The following GLYR1 variants were observed in gnomAD, a reference collection of about 807,000 sequenced individuals.
GLYR1 encodes the protein glyoxylate reductase 1 homolog, also known as cytokine-like nuclear factor N-PAC.
Under a neutral mutation model 72.7 loss-of-function variants are expected in GLYR1, and 21 were observed. That is an observed-to-expected ratio of 0.29 (90% CI 0.20 to 0.42). GLYR1 has a LOEUF of 0.42. GLYR1 is among the 10% of genes least tolerant of loss of function. The probability of loss-of-function intolerance (pLI) is 1.00; values close to 1 mark genes in which losing one functional copy is unlikely to be tolerated. For synonymous variants in GLYR1, 392 were observed against 270.2 expected (o/e 1.45, Z -4.42); for missense variants, 594 against 712.1 (o/e 0.83, Z 1.89).
At chr16:4,846,308 GCATCCTCAAA>G in intron 1 of GLYR1, 98 bp from the exon 2 acceptor site, 1 of 1,363,396 alleles carries the variant, frequency 7.3e-7, no homozygotes, top group Non-Finnish European at 1.0e-6. Flanking sequence ...ATCTCTGCTG[GCATCCTCAAA>G]TGCCGAAACA....
At chr16:4,813,986 G>C (rs1567673317) in intron 11 of GLYR1, 148 bp from the exon 12 acceptor site, 2 of 575,440 alleles carry the variant, frequency 3.5e-6, no homozygotes, top group South Asian at 2.5e-5. Context: ...AAATAAGCAA[G>C]GGATAGAAAA....
At chr16:4,836,792 T>C (rs923022633) in intron 3 of GLYR1, among the ~76,000 whole-genome samples, 5 of 148,948 alleles carry the variant, frequency 3.4e-5, no homozygotes, top group African/African-American at 1.2e-4. Flanking sequence ...TGTTTTTGAA[T>C]GGTGAACACA....
intron 5 of GLYR1, among the ~76,000 whole-genome samples, chr16:4,828,887 T>C (rs2084604252): frequency 6.6e-6 from 1 of 152,044 alleles, no homozygotes; most frequent in Admixed American, 6.5e-5. Flanking sequence ...AACGAGAAGG[T>C]ATTTCTTTCC....
chr16:4,805,290 C>T lies in GLYR1; in HGVS notation c.1608G>A (p.Ala536=), dbSNP rs749004813. ...ACATATCGTTGTCAGACTGGTCCAG[C>T]GCCTTGGCTCTTTTGTACACCTGGA... The part of the protein sequence containing the change: ...AANEVYKRAK[A]LDQSDNDMSA... The change falls in exon 16 of 16, where the codon GCG becomes GCA. Residue 536 remains alanine, a synonymous_variant. Coordinates refer to ENST00000321919, the MANE Select transcript of GLYR1 (RefSeq NM_032569.4). 39 of 1,613,770 alleles carry T rather than the reference C, an allele frequency of 2.4e-5. No homozygotes were observed. Among genetic ancestry groups the T allele is most frequent in the East Asian group, 8.9e-5 (4 of 44,896 alleles).
chr16:4,840,155 T>C (rs2085443647), intron 3 of GLYR1: 1 of 152,550 alleles, frequency 6.6e-6, no homozygotes, highest in Admixed American at 6.5e-5. Context: ...ACGCCCCTTT[T>C]ATGCAGTGCT....
intron 15 of GLYR1, 122 bp from the exon 16 acceptor site, chr16:4,805,432 T>G: frequency 1.3e-6 from 1 of 794,980 alleles, no homozygotes; most frequent in Admixed American, 2.0e-5. Context: ...GCTGTCCGGT[T>G]AGGAATCCTG....
chr16:4,844,709 TGAG>T (rs2085842939), intron 3 of GLYR1, among the ~76,000 whole-genome samples: 1 of 152,194 alleles, frequency 6.6e-6, no homozygotes, highest in African/African-American at 2.4e-5. Flanking sequence ...TGCGGTGAAC[TGAG>T]ACTGCCTCTG....
In GLYR1 at chr16:4,813,750, G is replaced by C. The variant is rs781086088; in HGVS notation, c.1106C>G (p.Thr369Ser). ...GAAGGCTGCTACCTGGGCCAGCTCA[G>C]TGACGGTGTCAGCGTCCACTGTTGA... ...DMSTVDADTV[T>S]ELAQVIVSRG... The change falls in exon 12 of 16, where the codon ACT (threonine) becomes AGT (serine). Residue 369 changes from threonine (T) to serine (S), a missense_variant. Coordinates refer to ENST00000321919, the MANE Select transcript of GLYR1 (RefSeq NM_032569.4). 1.9e-6 allele frequency: 3 copies of C among 1,606,090 alleles called. No homozygotes were observed. The highest frequency in any genetic ancestry group is 1.7e-6 in the Non-Finnish European group (2 of 1,176,344).
In GLYR1 at chr16:4,832,016, C is replaced by G. The variant is rs757184375; in HGVS notation, c.500G>C (p.Ser167Thr). ...KSPLKRAQEQ[S>T]PRKRGRPPKD... ...TGGGGGCCGACCCCGCTTCCGGGGA[C>G]TTTGCTCTTGGGCTCTTTTCAGAGG... The change falls in exon 5 of 16, where the codon AGT becomes ACT. Residue 167 changes from serine (S) to threonine (T), a missense_variant. Transcript: ENST00000321919. The G allele has an allele frequency of 3.7e-6, 6 of 1,614,168 alleles. No homozygotes were observed. The highest frequency in any genetic ancestry group is 2.2e-5 in the South Asian group (2 of 91,082).
In GLYR1 at chr16:4,838,753, A is replaced by AT. The variant is rs993904145; in HGVS notation, c.156-5842dup. Among the ~76,000 whole-genome samples, 172 of 151,816 alleles carry AT rather than the reference A, an allele frequency of 1.1e-3. 1 individual carries two copies. Among genetic ancestry groups the AT allele is most frequent in the Admixed American group, 1.3e-3 (20 of 15,232 alleles). On this transcript the variant is annotated intron_variant, in intron 3 of 15. Coordinates refer to ENST00000321919, the MANE Select transcript of GLYR1 (RefSeq NM_032569.4). The stretch of plus-strand genomic sequence containing the variant: ...AGGTGCCCGCCACCACGCCCAGCTA[A>AT]TTTTTTTGTATTTTTAGGAGAGACG...
intron 5 of GLYR1, among the ~76,000 whole-genome samples, chr16:4,828,027 T>A (rs1032891360): frequency 6.8e-6 from 1 of 147,892 alleles, no homozygotes; most frequent in Non-Finnish European, 1.5e-5. Flanking sequence ...TCTGTCAGCA[T>A]TTTTTTTTTT....
chr16:4,815,112 CTTTT>C (rs111782324), intron 10 of GLYR1, among the ~76,000 whole-genome samples: 1 of 144,920 alleles, frequency 6.9e-6, no homozygotes, highest in Non-Finnish European at 1.5e-5. Context: ...ACCATTTTGG[CTTTT>C]TTTTTTTGAG....
intron 9 of GLYR1, among the ~76,000 whole-genome samples, chr16:4,818,869 T>C (rs183311741): frequency 6.6e-6 from 1 of 152,232 alleles, no homozygotes; most frequent in East Asian, 1.9e-4. Context: ...CCTCTCACTG[T>C]TCCCCCAGCC....
intron 15 of GLYR1, among the ~76,000 whole-genome samples, chr16:4,808,674 C>T (rs1300655004): frequency 6.6e-6 from 1 of 151,684 alleles, no homozygotes; most frequent in Non-Finnish European, 1.5e-5. Context: ...AATACAGCTG[C>T]TGTTTCACAA....
At chr16:4,806,721 G>C (rs932503384) in intron 15 of GLYR1, among the ~76,000 whole-genome samples, 1 of 151,628 alleles carries the variant, frequency 6.6e-6, no homozygotes, top group Admixed American at 6.6e-5. Context: ...GATTTATACC[G>C]CAATCTGTAG....
intron 6 of GLYR1, among the ~76,000 whole-genome samples, chr16:4,823,378 G>A (rs1030987439): frequency 6.6e-6 from 1 of 152,164 alleles, no homozygotes; most frequent in Non-Finnish European, 1.5e-5. Context: ...GAGTAGCCAC[G>A]ACAGTGGACC....
At chr16:4,807,174 C>G (rs1330044869) in intron 15 of GLYR1, among the ~76,000 whole-genome samples, 1 of 143,796 alleles carries the variant, frequency 7.0e-6, no homozygotes, top group Non-Finnish European at 1.5e-5. Flanking sequence ...TGCAATGGCA[C>G]GATCTCGGCT....
chr16:4,826,791 T>C (rs2084407565), intron 5 of GLYR1, among the ~76,000 whole-genome samples: 1 of 152,208 alleles, frequency 6.6e-6, no homozygotes, highest in Non-Finnish European at 1.5e-5. Flanking sequence ...GTGCATTTAA[T>C]TTCAATTTAA....
chr16:4,819,242 G>T (rs7194576), intron 9 of GLYR1, among the ~76,000 whole-genome samples: 1 of 152,014 alleles, frequency 6.6e-6, no homozygotes, highest in African/African-American at 2.4e-5. Context: ...CGAACTTTTG[G>T]TATCAGGCAA....
Sources: gnomAD v4.1 joint callset for allele counts (sites outside exome capture counted in the v4.1 genomes callset) on GRCh38, gnomAD v4.1.1 for gene constraint, MANE v1.5 for transcripts, NCBI Gene and HGNC (gene_info 2026-07-23, HGNC 2026-07-21) for gene names.